The following GRM5 variants were observed in gnomAD, a reference collection of about 807,000 sequenced individuals.
GRM5 encodes the protein glutamate metabotropic receptor 5, also known as metabotropic glutamate receptor 5.
GRM5 carries 19 observed loss-of-function variants against 83.1 expected under a neutral mutation model. The ratio of observed to expected loss-of-function variants is 0.23; its 90% confidence interval spans 0.16 to 0.34. The LOEUF (loss-of-function observed/expected upper bound fraction) is 0.34, where lower values mean the gene tolerates loss of function less well. Among genes scored for constraint, GRM5 ranks in the 10% least tolerant of loss-of-function variants. GRM5 has a pLI of 1.00. For missense variants in GRM5, 1,160 were observed against 1,588.3 expected, an observed-to-expected ratio of 0.73 and a Z score of 4.58; for synonymous variants, 675 against 633.6, an observed-to-expected ratio of 1.07 and a Z score of -0.98.
At chr11:88,707,509 C>G (rs187462844) in intron 3 of GRM5, among the ~76,000 whole-genome samples, 11 of 152,188 alleles carry the variant, frequency 7.2e-5, no homozygotes, top group African/African-American at 2.2e-4. Flanking sequence ...AGTTTCTATG[C>G]CACAGGGCCT....
intron 2 of GRM5, among the ~76,000 whole-genome samples, chr11:88,934,194 G>A (rs1414182096): frequency 6.6e-6 from 1 of 151,372 alleles, no homozygotes; most frequent in Admixed American, 6.6e-5. Flanking sequence ...TTCCTGTATT[G>A]GTCTTTTAAT....
intron 2 of GRM5, among the ~76,000 whole-genome samples, chr11:88,971,517 G>C (rs1939163841): frequency 1.3e-5 from 2 of 152,026 alleles, no homozygotes; most frequent in African/African-American, 4.8e-5. Flanking sequence ...CCACTTATAA[G>C]TGAGAACATG....
At chr11:89,051,448 G>A (rs1210344303) in intron 1 of GRM5, among the ~76,000 whole-genome samples, 7 of 152,056 alleles carry the variant, frequency 4.6e-5, no homozygotes, top group Non-Finnish European at 7.3e-5. Flanking sequence ...GGTGGCTCAC[G>A]CCTGTAATCC....
chr11:88,891,499 ATGT>A (rs1945143664), intron 2 of GRM5, among the ~76,000 whole-genome samples: 1 of 151,670 alleles, frequency 6.6e-6, no homozygotes, highest in South Asian at 2.1e-4. Context: ...ATTATTTGAC[ATGT>A]TTAATCACAT....
intron 2 of GRM5, among the ~76,000 whole-genome samples, chr11:88,933,633 A>T (rs747721242): frequency 9.2e-5 from 14 of 151,858 alleles, no homozygotes; most frequent in Non-Finnish European, 1.8e-4. Flanking sequence ...GTCGTAAATC[A>T]ATCTAACACC....
intron 3 of GRM5, among the ~76,000 whole-genome samples, chr11:88,802,011 G>A (rs1459008849): frequency 2.0e-5 from 3 of 152,062 alleles, no homozygotes; most frequent in Non-Finnish European, 2.9e-5. Context: ...GCAGAAACAA[G>A]CGTGGGGGAG....
chr11:89,031,291 T>C (rs182024048), intron 2 of GRM5, among the ~76,000 whole-genome samples: 1 of 152,094 alleles, frequency 6.6e-6, no homozygotes, highest in Admixed American at 6.6e-5. Context: ...CTATTATAAG[T>C]AATAAATCTT....
At chr11:88,785,550 A>G (rs1048573563) in intron 3 of GRM5, among the ~76,000 whole-genome samples, 1 of 152,098 alleles carries the variant, frequency 6.6e-6, no homozygotes, top group South Asian at 2.1e-4. Context: ...GAACAATCAT[A>G]TCTAAGAATA....
intron 3 of GRM5, among the ~76,000 whole-genome samples, chr11:88,815,825 T>C (rs373505725): frequency 5.3e-5 from 8 of 152,286 alleles, no homozygotes; most frequent in East Asian, 1.9e-4. Flanking sequence ...ACCTCCAACA[T>C]TGAAATCAAA....
At chr11:88,821,170 A>T (rs191280402) in intron 3 of GRM5, among the ~76,000 whole-genome samples, 75 of 152,156 alleles carry the variant, frequency 4.9e-4, no homozygotes, top group African/African-American at 1.7e-3. Flanking sequence ...TGTCCTGAGA[A>T]TCTATTTGAA....
At chr11:89,041,136 A>G (rs1292685928) in intron 2 of GRM5, among the ~76,000 whole-genome samples, 4 of 152,228 alleles carry the variant, frequency 2.6e-5, no homozygotes, top group Non-Finnish European at 5.9e-5. Flanking sequence ...GCATGTGTGC[A>G]GCTGCCATCC....
chr11:88,583,688 T>C (rs1943258147), intron 7 of GRM5, among the ~76,000 whole-genome samples: 1 of 152,178 alleles, frequency 6.6e-6, no homozygotes, highest in Non-Finnish European at 1.5e-5. Context: ...TTATATCTCC[T>C]CCTAAATTCT....
chr11:88,980,339 G>T (rs1036054873), intron 2 of GRM5, among the ~76,000 whole-genome samples: 1 of 152,158 alleles, frequency 6.6e-6, no homozygotes, highest in Non-Finnish European at 1.5e-5. Flanking sequence ...GAAATTAAGA[G>T]AGTCCTAAGT....
intron 3 of GRM5, among the ~76,000 whole-genome samples, chr11:88,772,703 G>A (rs1167974450): frequency 6.6e-6 from 1 of 152,020 alleles, no homozygotes; most frequent in Non-Finnish European, 1.5e-5. Context: ...TGCGGTGTTT[G>A]GTTTTCTGTC....
At chr11:88,781,139 A>G (rs1942967508) in intron 3 of GRM5, among the ~76,000 whole-genome samples, 1 of 148,382 alleles carries the variant, frequency 6.7e-6, no homozygotes, top group South Asian at 2.1e-4. Flanking sequence ...ATATATATAT[A>G]TATATATATG....
chr11:88,807,449 T>C (rs930237477), intron 3 of GRM5, among the ~76,000 whole-genome samples: 11 of 152,088 alleles, frequency 7.2e-5, no homozygotes, highest in African/African-American at 2.7e-4. Flanking sequence ...TTTTAAAATC[T>C]GAAGAGAAAA....
At chr11:88,976,884 A>AT (rs1167252941) in intron 2 of GRM5, among the ~76,000 whole-genome samples, 3 of 151,868 alleles carry the variant, frequency 2.0e-5, no homozygotes, top group East Asian at 3.9e-4. Flanking sequence ...TAGATATGCT[A>AT]TTTTTTCCTG....
chr11:88,655,388 T>C (rs1472670512), intron 3 of GRM5, among the ~76,000 whole-genome samples: 2 of 152,048 alleles, frequency 1.3e-5, no homozygotes, highest in Non-Finnish European at 2.9e-5. Flanking sequence ...GACAGGAAGC[T>C]CTGTTTGTTC....
At chr11:88,761,812 G>T (rs1942523357) in intron 3 of GRM5, among the ~76,000 whole-genome samples, 1 of 151,370 alleles carries the variant, frequency 6.6e-6, no homozygotes, top group Non-Finnish European at 1.5e-5. Context: ...TATACTACAG[G>T]ACTACAGTAA....
Sources: gnomAD v4.1 joint callset for allele counts (sites outside exome capture counted in the v4.1 genomes callset) on GRCh38, gnomAD v4.1.1 for gene constraint, MANE v1.5 for transcripts, NCBI Gene and HGNC (gene_info 2026-07-23, HGNC 2026-07-21) for gene names.